Variants in CHST15 observed in about 807,000 individuals in gnomAD.
The protein encoded by CHST15 is carbohydrate sulfotransferase 15.
In CHST15, 30 loss-of-function variants were observed where a neutral mutation model predicts 53.6. The observed-to-expected ratio is 0.56, with a 90% CI of 0.42 to 0.76. The LOEUF is 0.76. Among genes scored for constraint, CHST15 ranks in the 30% least tolerant of loss-of-function variants. CHST15 has a pLI of 0.00. For synonymous variants in CHST15, 296 were observed against 289.8 expected, an observed-to-expected ratio of 1.02 and a Z score of -0.22; for missense variants, 627 against 740.5, an observed-to-expected ratio of 0.85 and a Z score of 1.78.
intron 5 of CHST15, among the ~76,000 whole-genome samples, chr10:124,038,309 T>G (rs1266403209): frequency 1.3e-5 from 2 of 152,110 alleles, no homozygotes; most frequent in Admixed American, 6.5e-5. Flanking sequence ...TTTCACCATG[T>G]TGGCCAGGCT....
At chr10:124,080,101 A>C (rs1949189029) in intron 1 of CHST15, among the ~76,000 whole-genome samples, 1 of 152,136 alleles carries the variant, frequency 6.6e-6, no homozygotes, top group Non-Finnish European at 1.5e-5. Flanking sequence ...CTGTTTTCTG[A>C]AACTCTGCAG....
At chr10:124,063,822 C>T (rs1441920276) in intron 1 of CHST15, among the ~76,000 whole-genome samples, 1 of 152,200 alleles carries the variant, frequency 6.6e-6, no homozygotes, top group Non-Finnish European at 1.5e-5. Flanking sequence ...CAGCTGCCAG[C>T]TCTGGAAGGA....
At chr10:124,020,681 C>A in intron 6 of CHST15, 1 of 995,652 alleles carries the variant, frequency 1.0e-6, no homozygotes. Flanking sequence ...GCCCAGGGAG[C>A]CCAGCATGGA....
intron 1 of CHST15, among the ~76,000 whole-genome samples, chr10:124,062,597 T>C (rs1441029117): frequency 6.6e-6 from 1 of 152,044 alleles, no homozygotes; most frequent in Non-Finnish European, 1.5e-5. Flanking sequence ...CTCCAACTGC[T>C]CAACAAACGG....
chr10:124,060,300 GGT>G (rs1038867377), intron 1 of CHST15, among the ~76,000 whole-genome samples: 4 of 150,220 alleles, frequency 2.7e-5, no homozygotes, highest in African/African-American at 9.8e-5. Flanking sequence ...AGTGTGCAGA[GGT>G]GTGTCTGCCC....
intron 1 of CHST15, among the ~76,000 whole-genome samples, chr10:124,059,315 A>AT (rs1408346398): frequency 6.6e-6 from 1 of 152,160 alleles, no homozygotes; most frequent in Non-Finnish European, 1.5e-5. Context: ...AAAGTGACCC[A>AT]TTTTCAGAAT....
intron 1 of CHST15, among the ~76,000 whole-genome samples, chr10:124,075,716 A>G (rs1949055484): frequency 6.6e-6 from 1 of 151,850 alleles, no homozygotes; most frequent in East Asian, 1.9e-4. Flanking sequence ...CTTGGTTAGA[A>G]CCTCCCCTGT....
chr10:124,071,412 C>G (rs1055630308), intron 1 of CHST15, among the ~76,000 whole-genome samples: 2 of 152,222 alleles, frequency 1.3e-5, no homozygotes, highest in African/African-American at 4.8e-5. Context: ...TGGGGCTTCT[C>G]TCCTCTCCTC....
chr10:124,062,356 G>A (rs890355552), intron 1 of CHST15, among the ~76,000 whole-genome samples: 2 of 152,142 alleles, frequency 1.3e-5, no homozygotes, highest in African/African-American at 2.4e-5. Context: ...GAAACATGGC[G>A]GGGAGGAAAG....
intron 1 of CHST15, among the ~76,000 whole-genome samples, chr10:124,065,880 G>A (rs770486685): frequency 5.3e-5 from 8 of 151,948 alleles, no homozygotes; most frequent in Admixed American, 1.3e-4. Context: ...AGCACATGCC[G>A]CAAAATCCCA....
At chr10:124,053,633 A>G (rs1948281048) in intron 1 of CHST15, among the ~76,000 whole-genome samples, 1 of 151,862 alleles carries the variant, frequency 6.6e-6, no homozygotes, top group Non-Finnish European at 1.5e-5. Context: ...TAATGATGGA[A>G]ACTCAGAGGG....
At chr10:124,070,585 C>T (rs1050480573) in intron 1 of CHST15, among the ~76,000 whole-genome samples, 1 of 152,082 alleles carries the variant, frequency 6.6e-6, no homozygotes, top group Non-Finnish European at 1.5e-5. Flanking sequence ...CCACGTTGGC[C>T]AGGATGGTCT....
intron 5 of CHST15, among the ~76,000 whole-genome samples, chr10:124,029,764 C>T (rs1307061486): frequency 6.6e-6 from 1 of 152,192 alleles, no homozygotes; most frequent in South Asian, 2.1e-4. Context: ...CACTGCACAC[C>T]GGGGCGGGGC....
chr10:124,059,458 G>A (rs1948487612), intron 1 of CHST15, among the ~76,000 whole-genome samples: 1 of 152,156 alleles, frequency 6.6e-6, no homozygotes, highest in Non-Finnish European at 1.5e-5. Context: ...AATGCACAGA[G>A]ACTACAGATT....
At chr10:124,016,867 G>A (rs1946603399) in intron 6 of CHST15, among the ~76,000 whole-genome samples, 1 of 152,094 alleles carries the variant, frequency 6.6e-6, no homozygotes, top group African/African-American at 2.4e-5. Flanking sequence ...CTTTTATCAC[G>A]AAGACTCAAG....
chr10:124,090,828 C>A (rs1949582241), intron 1 of CHST15, among the ~76,000 whole-genome samples: 1 of 152,244 alleles, frequency 6.6e-6, no homozygotes, highest in Admixed American at 6.5e-5. Flanking sequence ...GGCCGACCTG[C>A]CTGCCACCCC....
chr10:124,028,447 T>C (rs1395420081), intron 5 of CHST15, among the ~76,000 whole-genome samples: 1 of 152,214 alleles, frequency 6.6e-6, no homozygotes, highest in Non-Finnish European at 1.5e-5. Flanking sequence ...TTTGTTCATA[T>C]CGTTTTTATA....
At chr10:124,020,717 T>C in intron 6 of CHST15, 1 of 1,008,762 alleles carries the variant, frequency 9.9e-7, no homozygotes, top group Non-Finnish European at 1.2e-6. Context: ...TAAAAGGTGC[T>C]GAATTCACCA....
chr10:124,076,592 A>C (rs1949078010), intron 1 of CHST15, among the ~76,000 whole-genome samples: 1 of 152,240 alleles, frequency 6.6e-6, no homozygotes, highest in Non-Finnish European at 1.5e-5. Flanking sequence ...TCAGCATCCT[A>C]CAAGATCCCA....
Sources: allele counts gnomAD v4.1 joint callset (sites outside exome capture counted in the v4.1 genomes callset), GRCh38; gene constraint gnomAD v4.1.1; transcripts MANE v1.5; gene names NCBI Gene and HGNC (gene_info 2026-07-23, HGNC 2026-07-21).